SCRN1: variants seen among roughly 807,000 people sequenced by gnomAD.
SCRN1 encodes secernin 1, also known as secernin-1.
SCRN1 carries 19 observed loss-of-function variants against 43.3 expected under a neutral mutation model. That is an observed-to-expected ratio of 0.44 (90% CI 0.31 to 0.64). The LOEUF (loss-of-function observed/expected upper bound fraction) is 0.64, where lower values mean the gene tolerates loss of function less well. Ranked by LOEUF, SCRN1 falls within the 30% of genes least tolerant of loss-of-function variation. SCRN1 has a pLI of 0.09. For synonymous variants in SCRN1, 183 were observed against 188.9 expected, an observed-to-expected ratio of 0.97 and a Z score of 0.26; for missense variants, 447 against 524.1, an observed-to-expected ratio of 0.85 and a Z score of 1.44.
intron 2 of SCRN1, among the ~76,000 whole-genome samples, chr7:29,966,584 A>G (rs550854473): frequency 1.6e-3 from 246 of 152,354 alleles, no homozygotes; most frequent in African/African-American, 5.7e-3. Context: ...ATTTGGACCC[A>G]AATAACATGG....
At chr7:29,948,376 T>C (rs1787804291) in intron 3 of SCRN1, among the ~76,000 whole-genome samples, 1 of 152,236 alleles carries the variant, frequency 6.6e-6, no homozygotes, top group African/African-American at 2.4e-5. Context: ...AAAGCATGTC[T>C]TACTACAGTG....
At chr7:29,926,696 G>GTT (rs1786973079) in intron 6 of SCRN1, 64 bp from the exon 7 acceptor site, 1 of 1,442,652 alleles carries the variant, frequency 6.9e-7, no homozygotes, top group Non-Finnish European at 9.4e-7. Context: ...CCCAGAGACT[G>GTT]TCCTTTTATT....
chr7:29,954,074 CT>C (rs1432998373), intron 3 of SCRN1, among the ~76,000 whole-genome samples: 3 of 152,106 alleles, frequency 2.0e-5, no homozygotes, highest in Non-Finnish European at 4.4e-5. Context: ...TCCAGCCTAC[CT>C]TCTACTTTAG....
Position 29,926,464 on chromosome 7 carries a change from G to A in SCRN1, c.1074C>T (p.Ile358=), listed in dbSNP as rs1786960931. 3.7e-6 allele frequency: 6 copies of A among 1,612,256 alleles called. No individual in the cohort carries two copies. The highest frequency in any genetic ancestry group is 2.2e-5 in the South Asian group (2 of 91,028). ...YKAHEWARAI[I]ESDQEQGRKL... ...CATGCAAGCTCACCTGGTCACTTTC[G>A]ATGATGGCACGTGCCCACTCGTGGG... The change falls in exon 7 of 8, where the codon ATC becomes ATT. Residue 358 remains isoleucine (I), a synonymous_variant. Transcript: ENST00000242059.
At chr7:29,975,227 G>A (rs541926468) in intron 1 of SCRN1, among the ~76,000 whole-genome samples, 1 of 152,328 alleles carries the variant, frequency 6.6e-6, no homozygotes, top group East Asian at 1.9e-4. Flanking sequence ...AGCATTTGAT[G>A]ATGGGGTTTT....
At chr7:29,949,317 A>G (rs1787839092) in intron 3 of SCRN1, among the ~76,000 whole-genome samples, 1 of 130,436 alleles carries the variant, frequency 7.7e-6, no homozygotes, top group Admixed American at 7.3e-5. Flanking sequence ...TCCGTCTAAA[A>G]AAAGAAAAAA....
At chr7:29,946,440 CCAGGGCCTTTG>C (rs1787740894) in intron 3 of SCRN1, among the ~76,000 whole-genome samples, 1 of 152,244 alleles carries the variant, frequency 6.6e-6, no homozygotes, top group African/African-American at 2.4e-5. Flanking sequence ...AATCCTGTTC[CCAGGGCCTTTG>C]CAGGGCCCCA....
chr7:29,968,078 G>C (rs1788554144), intron 2 of SCRN1, among the ~76,000 whole-genome samples: 2 of 152,120 alleles, frequency 1.3e-5, no homozygotes, highest in African/African-American at 4.8e-5. Flanking sequence ...GACAAAAATA[G>C]TATTTTTAAA....
chr7:29,975,268 G>A (rs1788780566), intron 1 of SCRN1, among the ~76,000 whole-genome samples: 1 of 152,184 alleles, frequency 6.6e-6, no homozygotes, highest in African/African-American at 2.4e-5. Context: ...TTAAACGGGT[G>A]TTAAAATCAG....
intron 2 of SCRN1, among the ~76,000 whole-genome samples, chr7:29,962,178 TATA>T (rs1433786985): frequency 2.0e-5 from 3 of 148,258 alleles, no homozygotes; most frequent in Admixed American, 6.8e-5. Flanking sequence ...TATTAAATAA[TATA>T]ATTATTTACA....
In SCRN1 at chr7:29,984,815, G is replaced by A. The variant is rs1783468726; in HGVS notation, c.-2+4827C>T. ...AGACGCCTGTAATCCCAGCTGCTCAGAAGGTTGGGACAGGAGAATCGCTTG... is the reference window on the plus strand; with the variant it reads ...AGACGCCTGTAATCCCAGCTGCTCAAAAGGTTGGGACAGGAGAATCGCTTG... On this transcript the variant is annotated intron_variant, in intron 1 of 7. Transcript: ENST00000242059. Among the ~76,000 whole-genome samples, 2 of 143,074 alleles carry A rather than the reference G, an allele frequency of 1.4e-5. 1 individual carries two copies. The highest frequency in any genetic ancestry group is 5.3e-5 in the African/African-American group (2 of 37,604). The allele number at this position is 143,074 out of a possible 152,430, so 93.9% of individuals were successfully genotyped here.
At chr7:29,939,699 T>A (rs554028145) in intron 5 of SCRN1, among the ~76,000 whole-genome samples, 2 of 152,328 alleles carry the variant, frequency 1.3e-5, no homozygotes, top group African/African-American at 4.8e-5. Context: ...TGCAGACCCC[T>A]GTCCTAAATG....
chr7:29,975,338 T>A lies in SCRN1; in HGVS notation c.-1-6270A>T, dbSNP rs189391770. On this transcript the variant is annotated intron_variant, in intron 1 of 7. Coordinates refer to ENST00000242059, the MANE Select transcript of SCRN1 (RefSeq NM_014766.5). Reference sequence around the variant, plus strand: ...GATGGCTTTTTAAAAAACTTCCTTGTTTGAGGCATAATTCTGAAGCTGCTT... The same window carrying A: ...GATGGCTTTTTAAAAAACTTCCTTGATTGAGGCATAATTCTGAAGCTGCTT... Among the ~76,000 whole-genome samples, 496 of 152,332 alleles carry A rather than the reference T, an allele frequency of 3.3e-3. 4 individuals carry two copies. The highest frequency in any genetic ancestry group is 5.3e-3 in the Non-Finnish European group (360 of 68,032).
At chr7:29,933,592 G>A (rs1787229815) in intron 6 of SCRN1, among the ~76,000 whole-genome samples, 1 of 152,220 alleles carries the variant, frequency 6.6e-6, no homozygotes, top group Non-Finnish European at 1.5e-5. Flanking sequence ...TGGCACACAT[G>A]TTGATGTGAT....
chr7:29,987,741 C>T (rs1172869868), intron 1 of SCRN1, among the ~76,000 whole-genome samples: 1 of 152,206 alleles, frequency 6.6e-6, no homozygotes, highest in Non-Finnish European at 1.5e-5. Flanking sequence ...TGCTGTTCTC[C>T]CCCAGGCTCT....
At chr7:29,924,580 C>T (rs1178669379) in intron 7 of SCRN1, among the ~76,000 whole-genome samples, 1 of 152,220 alleles carries the variant, frequency 6.6e-6, no homozygotes, top group Non-Finnish European at 1.5e-5. Flanking sequence ...CACAGTGCCA[C>T]ACCGTTCCCC....
At chr7:29,944,899 G>C (rs1663490504) in intron 3 of SCRN1, among the ~76,000 whole-genome samples, 1 of 151,870 alleles carries the variant, frequency 6.6e-6, no homozygotes, top group Non-Finnish European at 1.5e-5. Flanking sequence ...ACTCTAACCT[G>C]GGCAAAAGGA....
Position 29,936,700 on chromosome 7 carries a change from A to G in SCRN1, c.761T>C (p.Met254Thr), listed in dbSNP as rs768566846. ...KQEESITVQT[M>T]MNTLRDKASG... is the part of the protein sequence containing the mutation. ...GGCTTTGTCCCGTAAGGTGTTCATC[A>G]TAGTCTGCACTGTGATGCTTTCTGC... is the stretch of plus-strand genomic sequence containing the variant. Residue 254 changes from methionine to threonine, a missense_variant, in exon 6 of 8, where the codon ATG (methionine) becomes ACG (threonine). Transcript: ENST00000242059. 5.7e-6 allele frequency: 9 copies of G among 1,573,360 alleles called. No homozygotes were observed. Among genetic ancestry groups the G allele is most frequent in the Non-Finnish European group, 7.8e-6 (9 of 1,150,116 alleles).
intron 6 of SCRN1, among the ~76,000 whole-genome samples, chr7:29,935,171 C>T (rs1375464985): frequency 1.3e-5 from 2 of 152,062 alleles, no homozygotes; most frequent in South Asian, 2.1e-4. Flanking sequence ...GTTGAATGAA[C>T]GAGTGAATGA....
Sources: allele counts gnomAD v4.1 joint callset (sites outside exome capture counted in the v4.1 genomes callset), GRCh38; gene constraint gnomAD v4.1.1; transcripts MANE v1.5; gene names NCBI Gene and HGNC (gene_info 2026-07-23, HGNC 2026-07-21).